The following PHRF1 variants were observed in gnomAD, a reference collection of about 807,000 sequenced individuals.
PHRF1 encodes PHD and RING finger domain-containing protein 1.
A neutral mutation model predicts 128.9 loss-of-function variants in PHRF1; 53 were observed. The observed-to-expected ratio is 0.41, with a 90% CI of 0.33 to 0.52. The LOEUF (loss-of-function observed/expected upper bound fraction) is 0.52. Among genes scored for constraint, PHRF1 ranks in the 20% least tolerant of loss-of-function variants. The pLI, the probability that PHRF1 is intolerant of heterozygous loss-of-function variation, is 0.21. For missense variants in PHRF1, 2,503 were observed against 2,284.5 expected (o/e 1.10, Z -1.95); for synonymous variants, 1,178 against 980.6 (o/e 1.20, Z -3.76).
Position 588,090 on chromosome 11 carries a change from T to C in PHRF1, c.420+626T>C, listed in dbSNP as rs530320153. 2.5e-4 allele frequency among the ~76,000 whole-genome samples: 38 copies of C among 152,204 alleles called. No individual in the cohort carries two copies. In the South Asian group the frequency reaches 7.3e-3, roughly 29 times the overall value. On this transcript the variant is annotated intron_variant, in intron 4 of 17. Transcript: ENST00000264555. ...AGGGCTCAGCTCCGACACCACTACC[T>C]CTTGACTCCCTCCCCTCCCTGCGAT...
chr11:587,368 C>T lies in PHRF1; in HGVS notation c.324C>T (p.Cys108=). The T allele has an allele frequency of 6.2e-7, 1 of 1,613,884 alleles. No individual in the cohort carries two copies. Among genetic ancestry groups the T allele is most frequent in the African/African-American group, 1.3e-5 (1 of 75,044 alleles). ...SFNSDDDAES[C]PICLNAFRDQ... is the part of the protein sequence containing the mutation. ...ATTCTGATGATGATGCAGAGAGCTGCCCAATCTGTCTCAACGCATTCAGAG... is the reference window on the plus strand; with the variant it reads ...ATTCTGATGATGATGCAGAGAGCTGTCCAATCTGTCTCAACGCATTCAGAG... Residue 108 remains cysteine (C), a synonymous_variant, in exon 4 of 18, where the codon TGC becomes TGT. Transcript: ENST00000264555.
intron 4 of PHRF1, among the ~76,000 whole-genome samples, chr11:588,005 T>C (rs1854684395): frequency 6.6e-6 from 1 of 152,076 alleles, no homozygotes; most frequent in South Asian, 2.1e-4. Context: ...TTGTGAAAAA[T>C]GTCAGAAAAG....
Position 605,226 on chromosome 11 carries a change from G to C in PHRF1, c.1260G>C (p.Gly420=). 1 of 1,613,522 alleles carries C rather than the reference G, an allele frequency of 6.2e-7. No individual in the cohort carries two copies. The highest frequency in any genetic ancestry group is 1.1e-5 in the South Asian group (1 of 91,090). The stretch of plus-strand genomic sequence containing the variant: ...TGAAGCCAGTGGAGCCCTCTTTGGG[G>C]CTGCTGAGAGCGGATATTGGAGCTG... ...SVLKPVEPSL[G]LLRADIGAAS... Residue 420 remains glycine (G), a synonymous_variant, in exon 11 of 18, where the codon GGG becomes GGC. Coordinates refer to ENST00000264555, the MANE Select transcript of PHRF1 (RefSeq NM_001286581.2).
chr11:588,392 T>G (rs1238187988), intron 4 of PHRF1, among the ~76,000 whole-genome samples: 1 of 152,160 alleles, frequency 6.6e-6, no homozygotes, highest in African/African-American at 2.4e-5. Flanking sequence ...TTTTTTTGTT[T>G]TTTTGAGACG....
Position 608,351 on chromosome 11 carries a change from C to G in PHRF1, c.2895C>G (p.Val965=). ...SEERTVTCVT[V]VEPEAPPSPD... Reference sequence around the variant, plus strand: ...AGCGGACGGTGACCTGTGTGACTGTCGTGGAGCCGGAAGCCCCACCCAGCC... The same window carrying G: ...AGCGGACGGTGACCTGTGTGACTGTGGTGGAGCCGGAAGCCCCACCCAGCC... The change falls in exon 14 of 18, where the codon GTC becomes GTG. Residue 965 remains valine (V), a synonymous_variant. Coordinates refer to ENST00000264555, the MANE Select transcript of PHRF1 (RefSeq NM_001286581.2). 6.2e-7 allele frequency: 1 copy of G among 1,610,118 alleles called. No homozygotes were observed. The highest frequency in any genetic ancestry group is 1.3e-5 in the African/African-American group (1 of 75,000).
At chr11:600,492 A>AT (rs1855562771) in intron 9 of PHRF1, among the ~76,000 whole-genome samples, 11 of 81,696 alleles carry the variant, frequency 1.3e-4, no homozygotes, top group Admixed American at 9.1e-4. Flanking sequence ...CTGTCTCCAA[A>AT]AATATATATA....
In PHRF1 at chr11:607,207, G is replaced by T; in HGVS notation, c.1751G>T (p.Ser584Ile). The T allele has an allele frequency of 6.2e-7, 1 of 1,612,522 alleles. No homozygotes were observed. The highest frequency in any genetic ancestry group is 1.7e-4 in the Middle Eastern group (1 of 6,050). Residue 584 changes from serine (S) to isoleucine (I), a missense_variant, in exon 14 of 18, where the codon AGC becomes ATC. Coordinates refer to ENST00000264555, the MANE Select transcript of PHRF1 (RefSeq NM_001286581.2). ...AACAGGCCACAGAGCACAGGGCTCA[G>T]CTGTCAAGGCAGGTCCCGCACCCCC... ...SGNRPQSTGLSCQGRSRTPAR... is the reference protein window; with the variant it reads ...SGNRPQSTGLICQGRSRTPAR...
chr11:609,614 G>A lies in PHRF1; in HGVS notation c.4158G>A (p.Glu1386=). Residue 1386 remains glutamate (E), a synonymous_variant, in exon 14 of 18, where the codon GAG becomes GAA. Coordinates refer to ENST00000264555, the MANE Select transcript of PHRF1 (RefSeq NM_001286581.2). The part of the protein sequence containing the change: ...GRVQEAARPE[E]VVSQTPLLRS... ...TACAGGAGGCAGCCCGGCCTGAGGA[G>A]GTGGTTTCGCAGACCCCCCTGCTGC... 6.3e-7 allele frequency: 1 copy of A among 1,587,984 alleles called. No individual in the cohort carries two copies. The highest frequency in any genetic ancestry group is 8.6e-7 in the Non-Finnish European group (1 of 1,168,860).
intron 10 of PHRF1, among the ~76,000 whole-genome samples, chr11:604,344 A>G (rs60421541): frequency 0.039 from 5,974 of 152,280 alleles, 398 homozygotes; most frequent in African/African-American, 0.14. Context: ...GGGAGGGGCG[A>G]CGCCTGCCTT....
At chr11:605,880 G>A (rs926427937) in intron 12 of PHRF1, among the ~76,000 whole-genome samples, 156 bp downstream of exon 12, 10 of 152,236 alleles carry the variant, frequency 6.6e-5, no homozygotes, top group African/African-American at 2.2e-4. Context: ...CCCTTGGCGT[G>A]AGGCAGTGCT....
In PHRF1 at chr11:591,372, T is replaced by C. The variant is rs769830069; in HGVS notation, c.421-12T>C. On this transcript the variant is annotated splice_polypyrimidine_tract_variant and intron_variant, in intron 4 of 17. Transcript: ENST00000264555. The stretch of plus-strand genomic sequence containing the variant: ...ATTGACAAGATTCTGATCCTGTTTT[T>C]ATTTCTCACAGAATGCCAATTCCTG... 4.4e-6 allele frequency: 7 copies of C among 1,598,830 alleles called. No homozygotes were observed. The highest frequency in any genetic ancestry group is 1.1e-5 in the South Asian group (1 of 88,586).
At position 610,682 on chromosome 11, in the gene PHRF1, G is replaced by A. The variant is rs1362920301; in HGVS notation, c.4598G>A (p.Ser1533Asn). The A allele has an allele frequency of 6.2e-7, 1 of 1,603,356 alleles. No homozygotes were observed. The highest frequency in any genetic ancestry group is 8.5e-7 in the Non-Finnish European group (1 of 1,179,804). Residue 1533 changes from serine (S) to asparagine (N), a missense_variant, in exon 16 of 18, where the codon AGT (serine) becomes AAT (asparagine). Ser to Asn is a conservative substitution (Grantham distance 46). Transcript: ENST00000264555. ...CTGACCCCAGCCTCAGAGCCAGCCAGTCAAGCCACTGCAGCCAGCAACTCG... is the reference window on the plus strand; with the variant it reads ...CTGACCCCAGCCTCAGAGCCAGCCAATCAAGCCACTGCAGCCAGCAACTCG... Reference protein sequence around the residue: ...AALTPASEPASQATAASNSEE... With the variant: ...AALTPASEPANQATAASNSEE...
intron 9 of PHRF1, 83 bp from the exon 10 acceptor site, chr11:601,491 T>TC: frequency 1.3e-6 from 2 of 1,567,228 alleles, no homozygotes; most frequent in Non-Finnish European, 1.7e-6. Context: ...CTCCTTGGGC[T>TC]CCGTCCACTG....
chr11:609,812 C>T (rs918657808), intron 14 of PHRF1, 92 bp downstream of exon 14: 4 of 856,300 alleles, frequency 4.7e-6, no homozygotes, highest in Non-Finnish European at 4.9e-6. Flanking sequence ...TGAGTAAGGC[C>T]CCGGCCTCCA....
chr11:610,670 C>T lies in PHRF1; in HGVS notation c.4586C>T (p.Ser1529Leu), dbSNP rs781568101. 3.7e-6 allele frequency: 6 copies of T among 1,603,432 alleles called. No individual in the cohort carries two copies. Among genetic ancestry groups the T allele is most frequent in the East Asian group, 2.2e-5 (1 of 44,868 alleles). ...APVPAALTPA[S>L]EPASQATAAS... is the part of the protein sequence containing the mutation. ...GTGCCCGCTGCCCTGACCCCAGCCT[C>T]AGAGCCAGCCAGTCAAGCCACTGCA... The change falls in exon 16 of 18, where the codon TCA (serine) becomes TTA (leucine). Residue 1529 changes from serine (S) to leucine (L), a missense_variant. By Grantham distance (145) the Ser-to-Leu change is moderately radical. Coordinates refer to ENST00000264555, the MANE Select transcript of PHRF1 (RefSeq NM_001286581.2).
chr11:611,482 G>C (rs1010128181), intron 17 of PHRF1, among the ~76,000 whole-genome samples, 152 bp from the exon 18 acceptor site: 2 of 152,220 alleles, frequency 1.3e-5, no homozygotes, highest in African/African-American at 4.8e-5. Flanking sequence ...GTCTCACATA[G>C]GTGGGGCGGC....
chr11:601,409 A>G (rs1855617540), intron 9 of PHRF1, among the ~76,000 whole-genome samples, 165 bp from the exon 10 acceptor site: 1 of 150,722 alleles, frequency 6.6e-6, no homozygotes, highest in South Asian at 2.1e-4. Flanking sequence ...AGCTTGGGTG[A>G]CAGGGCAAGA....
At chr11:603,315 A>G (rs552924116) in intron 10 of PHRF1, among the ~76,000 whole-genome samples, 1 of 152,024 alleles carries the variant, frequency 6.6e-6, no homozygotes, top group African/African-American at 2.4e-5. Context: ...TAAGCCTCAC[A>G]AAGTGTTGTT....
Position 605,150 on chromosome 11 carries a change from G to A in PHRF1, c.1184G>A (p.Arg395Gln), listed in dbSNP as rs757865335. 25 of 1,612,536 alleles carry A rather than the reference G, an allele frequency of 1.6e-5. No homozygotes were observed. Among genetic ancestry groups the A allele is most frequent in the Admixed American group, 1.2e-4 (7 of 59,970 alleles). The change falls in exon 11 of 18, where the codon CGG becomes CAG. Residue 395 changes from arginine (R) to glutamine (Q), a missense_variant. Physicochemically the swap from Arg to Gln is conservative, Grantham distance 43. Transcript: ENST00000264555. ...GCCACCACTCGCTCTCGAATCGCGC[G>A]GACGCTGGGCCTGCGCAGGCCTGTT... The part of the protein sequence containing the change: ...SEATTRSRIA[R>Q]TLGLRRPVHS...
Sources: gnomAD v4.1 joint callset for allele counts (sites outside exome capture counted in the v4.1 genomes callset) on GRCh38, gnomAD v4.1.1 for gene constraint, MANE v1.5 for transcripts, NCBI Gene and HGNC (gene_info 2026-07-23, HGNC 2026-07-21) for gene names.